AKR1C2: variants seen among roughly 807,000 people sequenced by gnomAD.
AKR1C2 encodes aldo-keto reductase family 1 member C2, also known as 3-alpha-HSD3.
Under a neutral mutation model 39.8 loss-of-function variants are expected in AKR1C2, and 27 were observed. The observed-to-expected ratio is 0.68, with a 90% CI of 0.50 to 0.93. The LOEUF is 0.93. Ranked by LOEUF, AKR1C2 falls within the 40% of genes least tolerant of loss-of-function variation. The probability of loss-of-function intolerance (pLI) is 0.00; values close to 1 mark genes in which losing one functional copy is unlikely to be tolerated. For missense variants in AKR1C2, 263 were observed against 365.1 expected, an observed-to-expected ratio of 0.72 and a Z score of 2.28; for synonymous variants, 114 against 137.9, an observed-to-expected ratio of 0.83 and a Z score of 1.22.
intron 1 of AKR1C2, chr10:5,014,875 G>C (rs1234107260): frequency 6.6e-6 from 1 of 152,222 alleles, no homozygotes; most frequent in Non-Finnish European, 1.5e-5. Flanking sequence ...AGAATATTTG[G>C]AATCAGTTTA....
At chr10:5,011,091 T>G (rs1489609484) in intron 1 of AKR1C2, among the ~76,000 whole-genome samples, 1 of 142,556 alleles carries the variant, frequency 7.0e-6, no homozygotes, top group Non-Finnish European at 1.5e-5. Context: ...TTGGGAAAAA[T>G]AATTGCAAAT....
intron 1 of AKR1C2, among the ~76,000 whole-genome samples, chr10:5,014,042 C>T (rs1482748268): frequency 6.6e-6 from 1 of 152,298 alleles, no homozygotes; most frequent in Admixed American, 6.5e-5. Flanking sequence ...GAATTTCCTT[C>T]CTTTTTAAAA....
chr10:5,014,225 G>A (rs1209181524), intron 1 of AKR1C2, among the ~76,000 whole-genome samples: 15 of 151,388 alleles, frequency 9.9e-5, no homozygotes, highest in South Asian at 4.2e-4. Flanking sequence ...ATTTATTTAG[G>A]TATTGTGAGC....
In AKR1C2 at chr10:4,988,224, C is replaced by T. The variant is rs1836725391; in HGVS notation, c.*1772G>A. 1 of 152,150 alleles carries T rather than the reference C, an allele frequency of 6.6e-6. No individual in the cohort carries two copies. Among genetic ancestry groups the T allele is most frequent in the African/African-American group, 2.4e-5 (1 of 41,440 alleles). The allele number at this position is 152,150 out of a possible 1,614,324, so 9.4% of individuals were successfully genotyped here. ...ACAAAATGTCAATCTTTTCTTGACA[C>T]TTACATCAGTCAAGTTTATGAGATG... is the stretch of plus-strand genomic sequence containing the variant. On this transcript the variant is annotated 3_prime_UTR_variant, in exon 9 of 9. Transcript: ENST00000380753.
At chr10:5,006,914 C>A (rs10904388), upstream of AKR1C2, among the ~76,000 whole-genome samples, 1 of 147,604 alleles carries the variant, frequency 6.8e-6, no homozygotes, top group African/African-American at 2.5e-5. Flanking sequence ...GCTGGGACTA[C>A]AGGCGTGCAC....
chr10:5,008,680 G>GAGGAC (rs1837458766), upstream of AKR1C2, among the ~76,000 whole-genome samples: 1 of 152,240 alleles, frequency 6.6e-6, no homozygotes, highest in South Asian at 2.1e-4. Context: ...GAAGATCAGG[G>GAGGAC]AGGACAGAAG....
At chr10:5,012,871 T>C (rs1837552232) in intron 1 of AKR1C2, among the ~76,000 whole-genome samples, 1 of 152,236 alleles carries the variant, frequency 6.6e-6, no homozygotes, top group Non-Finnish European at 1.5e-5. Flanking sequence ...ATGCTGTTTT[T>C]TCTGTCATCT....
At chr10:4,992,763 C>T (rs782015214) in intron 7 of AKR1C2, among the ~76,000 whole-genome samples, 2 of 152,112 alleles carry the variant, frequency 1.3e-5, no homozygotes, top group African/African-American at 2.4e-5. Flanking sequence ...ACAGCCTGGG[C>T]AACACAGTGA....
intron 8 of AKR1C2, among the ~76,000 whole-genome samples, chr10:4,991,340 C>A (rs1836836770): frequency 6.6e-6 from 1 of 152,048 alleles, no homozygotes; most frequent in Non-Finnish European, 1.5e-5. Context: ...ATTAAAAATG[C>A]TAAATTGACA....
chr10:5,001,426 C>T (rs1241780988), intron 2 of AKR1C2, 88 bp downstream of exon 2: 26 of 1,523,944 alleles, frequency 1.7e-5, no homozygotes, highest in Non-Finnish European at 2.3e-5. Flanking sequence ...CACAATTCAC[C>T]CTCAACTATG....
intron 1 of AKR1C2, among the ~76,000 whole-genome samples, chr10:5,010,114 T>C (rs1937862): frequency 0.22 from 31,558 of 142,502 alleles, 3,914 homozygotes; most frequent in East Asian, 0.58. Context: ...TCCATGGAGC[T>C]GCAGACTCAA....
At chr10:5,009,307 A>G (rs1193966773) in intron 1 of AKR1C2, among the ~76,000 whole-genome samples, 1 of 152,212 alleles carries the variant, frequency 6.6e-6, no homozygotes, top group East Asian at 1.9e-4. Context: ...AATTGCACCG[A>G]GCACTTTTTG....
chr10:5,015,619 G>T (rs868931720), intron 1 of AKR1C2, among the ~76,000 whole-genome samples: 1 of 152,216 alleles, frequency 6.6e-6, no homozygotes, highest in Non-Finnish European at 1.5e-5. Context: ...CCAGCCCTGG[G>T]TCCCCAGACA....
chr10:5,017,994 C>T (rs183632541), upstream of AKR1C2: 10 of 152,206 alleles, frequency 6.6e-5, no homozygotes, highest in East Asian at 1.2e-3. Flanking sequence ...AGGTGCTACA[C>T]ACTTTCAAAC....
intron 5 of AKR1C2, among the ~76,000 whole-genome samples, chr10:4,996,775 A>T (rs1171703920): frequency 3.9e-5 from 6 of 152,034 alleles, no homozygotes; most frequent in Non-Finnish European, 8.8e-5. Context: ...ATAGTAGTTT[A>T]TTATTTTTAC....
chr10:5,000,890 A>G (rs1837248719), intron 2 of AKR1C2, among the ~76,000 whole-genome samples: 3 of 152,190 alleles, frequency 2.0e-5, no homozygotes, highest in Admixed American at 2.0e-4. Context: ...GAGTGAAATT[A>G]CTCAAAAGGT....
rs111630094 is a variant in AKR1C2, at chr10:4,989,308, A to G, written c.*688T>C. 1 of 152,084 alleles carries G rather than the reference A, an allele frequency of 6.6e-6. No individual in the cohort carries two copies. The highest frequency in any genetic ancestry group is 2.1e-4 in the South Asian group (1 of 4,812). 9.4% of individuals were successfully genotyped at this position (152,084 alleles called of 1,614,324 possible). A position where few individuals can be genotyped will look rare whatever the true frequency, so the allele number is the denominator to read the frequency against. ...ATGTGGAAAGTTTTCTTTTATGAAC[A>G]AGATATAATGATCAAAAAAAAGGGT... is the stretch of plus-strand genomic sequence containing the variant. On this transcript the variant is annotated 3_prime_UTR_variant, in exon 9 of 9. Transcript: ENST00000380753.
At position 5,011,678 on chromosome 10, in the gene AKR1C2, T is replaced by C. The variant is rs569832255; in HGVS notation, c.-88+6222A>G. Among the ~76,000 whole-genome samples the C allele has an allele frequency of 1.6e-4, 25 of 152,054 alleles. No homozygotes were observed. In the South Asian group the frequency reaches 2.3e-3, roughly 14 times the overall value. ...AAAGGAGAAATTTAGAGAGAATGAG[T>C]GTAGTCTGAGGATTTCAATTTACTT... On this transcript the variant is annotated intron_variant, in intron 1 of 6. Coordinates refer to the AKR1C2 transcript ENST00000604507.
intron 5 of AKR1C2, among the ~76,000 whole-genome samples, chr10:4,996,309 A>G (rs1270818562): frequency 6.6e-6 from 1 of 151,714 alleles, no homozygotes; most frequent in Non-Finnish European, 1.5e-5. Context: ...ACATATATAT[A>G]TCATATATGC....
Sources: gnomAD v4.1 joint callset for allele counts (sites outside exome capture counted in the v4.1 genomes callset) on GRCh38, gnomAD v4.1.1 for gene constraint, MANE v1.5 for transcripts, NCBI Gene and HGNC (gene_info 2026-07-23, HGNC 2026-07-21) for gene names.